The following ATOSA variants were observed in gnomAD, a reference collection of about 807,000 sequenced individuals.
ATOSA encodes atos homolog A.
At chr15:52,679,597 C>T in the ATOSA span, among the ~76,000 whole-genome samples, 1 of 152,298 alleles carries the variant, frequency 6.6e-6, no homozygotes. Context: ...GTCCCGGAAG[C>T]CCGAGACGTC....
At chr15:52,609,946 A>G in the ATOSA span, 1 of 1,612,224 alleles carries the variant, frequency 6.2e-7, no homozygotes, top group South Asian at 1.1e-5. Context: ...TATATCACCT[A>G]TACCACTAAA....
At chr15:52,607,184 A>C in the ATOSA span, among the ~76,000 whole-genome samples, 3 of 152,176 alleles carry the variant, frequency 2.0e-5, no homozygotes, top group Non-Finnish European at 4.4e-5. Flanking sequence ...TAAACTATGA[A>C]GCCAGGACTA....
At chr15:52,582,122 A>G in the ATOSA span, 1 of 1,505,436 alleles carries the variant, frequency 6.6e-7, no homozygotes, top group East Asian at 2.6e-5. Flanking sequence ...AAACTTGGGT[A>G]CTGAGTAAAT....
chr15:52,608,247 A>T, the ATOSA span, among the ~76,000 whole-genome samples: 39 of 152,202 alleles, frequency 2.6e-4, no homozygotes, highest in African/African-American at 8.7e-4. Flanking sequence ...CAGGGGGAGA[A>T]CAGAGCTAAA....
chr15:52,585,608 T>C, the ATOSA span, among the ~76,000 whole-genome samples: 42 of 152,328 alleles, frequency 2.8e-4, no homozygotes, highest in South Asian at 8.3e-4. Flanking sequence ...ATTTCAAAAT[T>C]TGTAGCAACA....
At chr15:52,655,736 A>T in the ATOSA span, among the ~76,000 whole-genome samples, 594 of 152,254 alleles carry the variant, frequency 3.9e-3, 3 homozygotes, top group Non-Finnish European at 5.1e-3. Flanking sequence ...TGGTAGTGTA[A>T]ACACGCTTGT....
chr15:52,634,895 C>G, the ATOSA span, among the ~76,000 whole-genome samples: 1 of 151,904 alleles, frequency 6.6e-6, no homozygotes, highest in Non-Finnish European at 1.5e-5. Flanking sequence ...AGCCATGGTG[C>G]CTGGCCAGAT....
chr15:52,615,536 T>C, the ATOSA span, among the ~76,000 whole-genome samples: 1 of 152,298 alleles, frequency 6.6e-6, no homozygotes, highest in East Asian at 1.9e-4. Context: ...AACAGAACCA[T>C]GCAGCATGGA....
chr15:52,659,323 G>A, the ATOSA span, among the ~76,000 whole-genome samples: 1 of 152,178 alleles, frequency 6.6e-6, no homozygotes, highest in South Asian at 2.1e-4. Context: ...TGGTCCAGAT[G>A]TCTAAGGTTT....
At chr15:52,667,404 T>A in the ATOSA span, among the ~76,000 whole-genome samples, 1 of 152,250 alleles carries the variant, frequency 6.6e-6, no homozygotes, top group Non-Finnish European at 1.5e-5. Context: ...TGACTAAAGA[T>A]GTTATTGGAA....
chr15:52,608,011 G>A, the ATOSA span, among the ~76,000 whole-genome samples: 39,738 of 151,966 alleles, frequency 0.26, 7,070 homozygotes, highest in East Asian at 0.85. Context: ...CTCCCAAACA[G>A]TTGGGCCTAC....
chr15:52,605,000 A>G, the ATOSA span: 1 of 639,878 alleles, frequency 1.6e-6, no homozygotes. Context: ...TGTGTTATCA[A>G]AAAATAAAAT....
chr15:52,630,842 G>GT, the ATOSA span, among the ~76,000 whole-genome samples: 2 of 152,154 alleles, frequency 1.3e-5, no homozygotes, highest in South Asian at 2.1e-4. Context: ...AGGAGTAAAC[G>GT]TAAGTACAAG....
the ATOSA span, among the ~76,000 whole-genome samples, chr15:52,679,982 C>T: frequency 5.3e-5 from 8 of 151,300 alleles, no homozygotes; most frequent in African/African-American, 1.9e-4. Context: ...GAAGCCCACC[C>T]CCACCCTAGA....
the ATOSA span, among the ~76,000 whole-genome samples, chr15:52,592,885 T>C: frequency 1.3e-5 from 2 of 152,160 alleles, no homozygotes; most frequent in African/African-American, 4.8e-5. Flanking sequence ...TGGTGGCTCA[T>C]GCCTGTAATC....
chr15:52,591,893 T>C, the ATOSA span, among the ~76,000 whole-genome samples: 1 of 152,204 alleles, frequency 6.6e-6, no homozygotes, highest in Non-Finnish European at 1.5e-5. Context: ...GCTGGGCATC[T>C]TCATGCTTAT....
chr15:52,663,242 T>G, the ATOSA span, among the ~76,000 whole-genome samples: 192 of 152,346 alleles, frequency 1.3e-3, no homozygotes, highest in African/African-American at 4.4e-3. Context: ...TAACAGTTTT[T>G]GAAGGATCAA....
chr15:52,693,937 A>G, the ATOSA span, among the ~76,000 whole-genome samples: 1 of 152,130 alleles, frequency 6.6e-6, no homozygotes, highest in Non-Finnish European at 1.5e-5. Context: ...TGCACTACTT[A>G]AATTGTTCTC....
the ATOSA span, chr15:52,593,850 A>C: frequency 9.8e-7 from 1 of 1,024,014 alleles, no homozygotes. Context: ...TAAAAGAAAT[A>C]TATTACTATG....
Sources: gnomAD v4.1 joint callset for allele counts (sites outside exome capture counted in the v4.1 genomes callset) on GRCh38, gnomAD v4.1.1 for gene constraint, MANE v1.5 for transcripts, NCBI Gene and HGNC (gene_info 2026-07-23, HGNC 2026-07-21) for gene names.